The following PTAR1 variants were observed in gnomAD, a reference collection of about 807,000 sequenced individuals.
PTAR1 encodes protein prenyltransferase alpha subunit repeat containing 1.
In PTAR1, 17 loss-of-function variants were observed where a neutral mutation model predicts 45.5. The observed-to-expected ratio is 0.37, with a 90% CI of 0.26 to 0.56. PTAR1 has a LOEUF of 0.56. PTAR1 is among the 20% of genes least tolerant of loss of function. The pLI, the probability that PTAR1 is intolerant of heterozygous loss-of-function variation, is 0.77. For synonymous variants in PTAR1, 169 were observed against 171.3 expected (o/e 0.99, Z 0.11); for missense variants, 391 against 476.3 (o/e 0.82, Z 1.67).
At position 69,714,573 on chromosome 9, in the gene PTAR1, C is replaced by T. The variant is rs1326348671; in HGVS notation, c.*3769G>A. 6.6e-6 allele frequency: 1 copy of T among 151,996 alleles called. No homozygotes were observed. Among genetic ancestry groups the T allele is most frequent in the Non-Finnish European group, 1.5e-5 (1 of 67,966 alleles). The allele number at this position is 151,996 out of a possible 1,614,324, so 9.4% of individuals were successfully genotyped here. On this transcript the variant is annotated 3_prime_UTR_variant, in exon 8 of 8. Transcript: ENST00000340434. The stretch of plus-strand genomic sequence containing the variant: ...ATAAACTGGCATGACCTGAACATAC[C>T]TAAGTGGCATACGATCTACTATGTA...
At chr9:69,749,846 T>C (rs1307713764) in intron 2 of PTAR1, among the ~76,000 whole-genome samples, 1 of 152,096 alleles carries the variant, frequency 6.6e-6, no homozygotes, top group African/African-American at 2.4e-5. Context: ...TTCATCTTTT[T>C]ATCCCCCACA....
At position 69,714,376 on chromosome 9, in the gene PTAR1, G is replaced by C. The variant is rs903326760; in HGVS notation, c.*3966C>G. Reference sequence around the variant, plus strand: ...ACTTCCCTTTACAACTAAATCTTTAGCATCTTCTATAACTCAGGGGAACTA... The same window carrying C: ...ACTTCCCTTTACAACTAAATCTTTACCATCTTCTATAACTCAGGGGAACTA... On this transcript the variant is annotated 3_prime_UTR_variant, in exon 8 of 8. Coordinates refer to ENST00000340434, the MANE Select transcript of PTAR1 (RefSeq NM_001099666.2). The C allele has an allele frequency of 6.6e-6, 1 of 151,880 alleles. No individual in the cohort carries two copies. The highest frequency in any genetic ancestry group is 2.4e-5 in the African/African-American group (1 of 41,484). The allele number at this position is 151,880 out of a possible 1,614,324, so 9.4% of individuals were successfully genotyped here.
chr9:69,738,159 G>C (rs1374188589), intron 3 of PTAR1, among the ~76,000 whole-genome samples: 3 of 152,080 alleles, frequency 2.0e-5, no homozygotes, highest in African/African-American at 7.2e-5. Flanking sequence ...TGAGAATATG[G>C]GTCAGGTATT....
In PTAR1 at chr9:69,713,287, C is replaced by T. The variant is rs1218247649; in HGVS notation, c.*5055G>A. On this transcript the variant is annotated 3_prime_UTR_variant, in exon 8 of 8. Transcript: ENST00000340434. ...GTTGGGAGCCTGAGGTTTCCTCTCC[C>T]ACCTGAGATCCACAACTGATTCATT... 6.6e-6 allele frequency: 1 copy of T among 152,136 alleles called. No individual in the cohort carries two copies. Among genetic ancestry groups the T allele is most frequent in the Non-Finnish European group, 1.5e-5 (1 of 68,032 alleles). 9.4% of individuals were successfully genotyped at this position (152,136 alleles called of 1,614,324 possible).
intron 4 of PTAR1, among the ~76,000 whole-genome samples, 169 bp downstream of exon 4, chr9:69,733,981 T>C (rs1030190878): frequency 6.6e-6 from 1 of 152,092 alleles, no homozygotes; most frequent in Non-Finnish European, 1.5e-5. Flanking sequence ...TAATTTCCCA[T>C]GAACACTTAG....
chr9:69,755,464 CTTA>C (rs960391337), intron 1 of PTAR1, among the ~76,000 whole-genome samples: 1 of 152,162 alleles, frequency 6.6e-6, no homozygotes, highest in African/African-American at 2.4e-5. Flanking sequence ...AACAGAGCCA[CTTA>C]TTATCCACAA....
chr9:69,756,377 A>G (rs1231242389), intron 1 of PTAR1, among the ~76,000 whole-genome samples: 1 of 152,092 alleles, frequency 6.6e-6, no homozygotes, highest in Admixed American at 6.5e-5. Flanking sequence ...GACTCTTTTC[A>G]TAATCTGTAT....
chr9:69,749,811 C>G (rs1425330876), intron 2 of PTAR1, among the ~76,000 whole-genome samples: 2 of 152,082 alleles, frequency 1.3e-5, no homozygotes, highest in Non-Finnish European at 2.9e-5. Context: ...CTGTAAGCTT[C>G]CTGAATAAAG....
At chr9:69,726,646 G>A (rs1429024374) in intron 5 of PTAR1, among the ~76,000 whole-genome samples, 1 of 151,762 alleles carries the variant, frequency 6.6e-6, no homozygotes, top group Non-Finnish European at 1.5e-5. Flanking sequence ...TCACTAATAA[G>A]AATCACATTT....
intron 6 of PTAR1, among the ~76,000 whole-genome samples, chr9:69,719,302 G>A (rs1824876233): frequency 6.6e-6 from 1 of 152,112 alleles, no homozygotes; most frequent in Admixed American, 6.5e-5. Flanking sequence ...TACAGTTCCT[G>A]TTCTCCCTCC....
chr9:69,733,273 TG>T (rs1338856501), intron 4 of PTAR1, among the ~76,000 whole-genome samples: 3 of 152,156 alleles, frequency 2.0e-5, no homozygotes, highest in African/African-American at 7.2e-5. Context: ...TCTCAATTTC[TG>T]GTGATGAAGA....
chr9:69,744,101 G>A (rs1826163839), intron 2 of PTAR1, among the ~76,000 whole-genome samples: 2 of 152,096 alleles, frequency 1.3e-5, no homozygotes, highest in African/African-American at 2.4e-5. Flanking sequence ...CAAGGTACTG[G>A]TAAAATGTAC....
rs528352834 is a variant in PTAR1, at chr9:69,714,294, C to A, written c.*4048G>T. ...TCTGTAAGTTTTAAAATATAATTTT[C>A]CAGTAGCAAAATAATAGTTAGCTTA... On this transcript the variant is annotated 3_prime_UTR_variant, in exon 8 of 8. Coordinates refer to ENST00000340434, the MANE Select transcript of PTAR1 (RefSeq NM_001099666.2). 16 of 151,120 alleles carry A rather than the reference C, an allele frequency of 1.1e-4. No homozygotes were observed. The highest frequency in any genetic ancestry group is 1.8e-4 in the Non-Finnish European group (12 of 67,790). The allele number at this position is 151,120 out of a possible 1,614,324, so 9.4% of individuals were successfully genotyped here.
rs1028398878 is a variant in PTAR1 at position 69,713,660 on chromosome 9, T to C, written c.*4682A>G. On this transcript the variant is annotated 3_prime_UTR_variant, in exon 8 of 8. Coordinates refer to ENST00000340434, the MANE Select transcript of PTAR1 (RefSeq NM_001099666.2). ...ATTTAGGACAACGTTCTGGCCTTTA[T>C]TTTAGGGCAGAGTGCCACTGTTTCC... 6.6e-6 allele frequency: 1 copy of C among 152,110 alleles called. No individual in the cohort carries two copies. Among genetic ancestry groups the C allele is most frequent in the Non-Finnish European group, 1.5e-5 (1 of 68,010 alleles). 9.4% of individuals were successfully genotyped at this position (152,110 alleles called of 1,614,324 possible). A position where few individuals can be genotyped will look rare whatever the true frequency, so the allele number is the denominator to read the frequency against.
intron 2 of PTAR1, among the ~76,000 whole-genome samples, chr9:69,746,163 G>T (rs1468520076): frequency 6.6e-6 from 1 of 152,072 alleles, no homozygotes; most frequent in Non-Finnish European, 1.5e-5. Context: ...AGAAGCTAGG[G>T]GTAAAGTGCA....
intron 6 of PTAR1, among the ~76,000 whole-genome samples, chr9:69,719,687 T>C (rs1428969400): frequency 6.6e-6 from 1 of 152,162 alleles, no homozygotes; most frequent in African/African-American, 2.4e-5. Flanking sequence ...GATACTGTAT[T>C]TTTTATAAAC....
chr9:69,738,036 T>C (rs1029559082), intron 3 of PTAR1, among the ~76,000 whole-genome samples: 10 of 152,342 alleles, frequency 6.6e-5, no homozygotes, highest in Admixed American at 2.6e-4. Flanking sequence ...CTACCAAATG[T>C]CCTTTTCCTC....
At chr9:69,735,200 A>G (rs1825729680) in intron 3 of PTAR1, among the ~76,000 whole-genome samples, 1 of 152,156 alleles carries the variant, frequency 6.6e-6, no homozygotes, top group East Asian at 1.9e-4. Flanking sequence ...TTCAAGCCCA[A>G]CCAAAGCTTC....
At position 69,718,211 on chromosome 9, in the gene PTAR1, T is replaced by C. The variant is rs779805325; in HGVS notation, c.*131A>G. 9 of 581,732 alleles carry C rather than the reference T, an allele frequency of 1.5e-5. No individual in the cohort carries two copies. The highest frequency in any genetic ancestry group is 3.2e-5 in the Admixed American group (1 of 31,616). 36.0% of individuals were successfully genotyped at this position (581,732 alleles called of 1,614,324 possible). On this transcript the variant is annotated 3_prime_UTR_variant, in exon 8 of 8. Transcript: ENST00000340434. The stretch of plus-strand genomic sequence containing the variant: ...AATAAATAAAATGAAAGATTTACTA[T>C]GGACTTTCAACCTAAAGACGAAGAA...
Sources: gnomAD v4.1 joint callset for allele counts (sites outside exome capture counted in the v4.1 genomes callset) on GRCh38, gnomAD v4.1.1 for gene constraint, MANE v1.5 for transcripts, NCBI Gene and HGNC (gene_info 2026-07-23, HGNC 2026-07-21) for gene names.